The following CBR4 variants were observed in gnomAD, a reference collection of about 807,000 sequenced individuals.
CBR4 encodes the protein carbonyl reductase 4.
A neutral mutation model predicts 21.0 loss-of-function variants in CBR4; 22 were observed. The ratio of observed to expected loss-of-function variants is 1.05; its 90% CI spans 0.75 to 1.50. CBR4 has a LOEUF of 1.50. Ranked by LOEUF, CBR4 falls within the 40% of genes most tolerant of loss-of-function variation. The probability of loss-of-function intolerance (pLI) is 0.00; values close to 1 mark genes in which losing one functional copy is unlikely to be tolerated. For synonymous variants in CBR4, 100 were observed against 104.4 expected (o/e 0.96, Z 0.26); for missense variants, 302 against 286.3 (o/e 1.05, Z -0.40).
intron 2 of CBR4, chr4:168,924,905 A>T (rs907990778): frequency 2.5e-6 from 4 of 1,612,506 alleles, no homozygotes; most frequent in African/African-American, 1.3e-5. Flanking sequence ...AGCCACTTTT[A>T]AAAAATTTAG....
chr4:169,010,057 G>C lies in CBR4; in HGVS notation c.33C>G (p.Ser11=), dbSNP rs1304996336. ...GGGCCACAGCTCTGCCAATGCCTCG[G>C]GAGCCTCCAAAAACAGCACACACTT... The part of the protein sequence containing the change: MDKVCAVFGG[S]RGIGRAVAQL... The change falls in exon 1 of 5, where the codon TCC becomes TCG. Residue 11 remains serine, a synonymous_variant. Transcript: ENST00000306193. 1 of 1,613,756 alleles carries C rather than the reference G, an allele frequency of 6.2e-7. No individual in the cohort carries two copies. Among genetic ancestry groups the C allele is most frequent in the Non-Finnish European group, 8.5e-7 (1 of 1,179,900 alleles).
intron 2 of CBR4, among the ~76,000 whole-genome samples, chr4:168,963,933 C>A (rs1445916435): frequency 1.3e-5 from 2 of 151,970 alleles, no homozygotes; most frequent in Non-Finnish European, 1.5e-5. Flanking sequence ...TAATGTCATG[C>A]CCAAGAACAG....
intron 2 of CBR4, among the ~76,000 whole-genome samples, chr4:168,977,318 GAA>G (rs542243709): frequency 2.0e-5 from 3 of 152,238 alleles, no homozygotes; most frequent in African/African-American, 7.2e-5. Flanking sequence ...CTTCCTTCAA[GAA>G]AAGTTTATTT....
At chr4:168,932,688 C>T (rs1343575118) in intron 2 of CBR4, among the ~76,000 whole-genome samples, 2 of 151,940 alleles carry the variant, frequency 1.3e-5, no homozygotes, top group African/African-American at 2.4e-5. Flanking sequence ...AAGAGAAAAA[C>T]GTCAAGTCAC....
intron 2 of CBR4, among the ~76,000 whole-genome samples, chr4:168,942,924 C>T (rs1386302314): frequency 1.3e-5 from 2 of 152,114 alleles, no homozygotes; most frequent in Non-Finnish European, 2.9e-5. Flanking sequence ...GAAATATCAT[C>T]TCATCCTAGT....
At chr4:168,907,237 G>A (rs1445238905) in intron 2 of CBR4, among the ~76,000 whole-genome samples, 1 of 152,142 alleles carries the variant, frequency 6.6e-6, no homozygotes, top group Non-Finnish European at 1.5e-5. Context: ...TTAATTCAGA[G>A]ACAGTAACTA....
chr4:168,962,433 A>C (rs1440688506), intron 2 of CBR4, among the ~76,000 whole-genome samples: 1 of 152,198 alleles, frequency 6.6e-6, no homozygotes, highest in African/African-American at 2.4e-5. Context: ...AATTAGGCTT[A>C]ATAAGATATG....
At chr4:168,903,756 G>C (rs750290697) in intron 2 of CBR4, 1 of 1,609,224 alleles carries the variant, frequency 6.2e-7, no homozygotes, top group Non-Finnish European at 8.5e-7. Context: ...TCTATTCACA[G>C]ATCTATTGGT....
At chr4:168,924,342 G>T in intron 2 of CBR4, 2 of 1,613,872 alleles carry the variant, frequency 1.2e-6, no homozygotes, top group Non-Finnish European at 1.7e-6. Context: ...CTGGAATGTC[G>T]TGTATTGGGA....
downstream of CBR4, among the ~76,000 whole-genome samples, chr4:168,984,381 C>T (rs1764625133): frequency 6.6e-6 from 1 of 151,924 alleles, no homozygotes; most frequent in East Asian, 1.9e-4. Flanking sequence ...AGAATTATAA[C>T]ACACTGCTGA....
At chr4:168,915,832 CTA>C (rs1386757601) in intron 2 of CBR4, 7 of 1,321,946 alleles carry the variant, frequency 5.3e-6, no homozygotes, top group Non-Finnish European at 3.3e-6. Context: ...AAACAGATGA[CTA>C]AAAGTCTGGA....
At chr4:168,926,095 C>T in intron 2 of CBR4, 1 of 784,064 alleles carries the variant, frequency 1.3e-6, no homozygotes. Context: ...CATGTTTCTA[C>T]CATGGATGTG....
chr4:168,985,604 A>G (rs890924805), downstream of CBR4, among the ~76,000 whole-genome samples: 1 of 152,218 alleles, frequency 6.6e-6, no homozygotes, highest in East Asian at 1.9e-4. Context: ...GGCACTGTTC[A>G]CAACAGCAAA....
rs578255991 is a variant in CBR4, at chr4:168,953,266, G to GC, written n.169+48804dup. On this transcript the variant is annotated intron_variant and non_coding_transcript_variant, in intron 2 of 3. Transcript: ENST00000509108. ...GAAAGGCCGGTCTTACTCCCACCGT[G>GC]CCCCCCCGCAAAAGCACCGCATCTA... Among the ~76,000 whole-genome samples, 3,899 of 152,150 alleles carry GC rather than the reference G, an allele frequency of 0.026. 404 individuals are homozygous for GC. In the East Asian group the frequency reaches 0.35, roughly 14 times the overall value.
At chr4:168,903,193 C>T (rs1281619423) in intron 2 of CBR4, among the ~76,000 whole-genome samples, 2 of 152,100 alleles carry the variant, frequency 1.3e-5, no homozygotes, top group African/African-American at 4.8e-5. Context: ...CTTCCTGGCC[C>T]AGAAATAAAG....
intron 3 of CBR4, among the ~76,000 whole-genome samples, chr4:169,004,504 T>C (rs2126864707): frequency 6.6e-6 from 1 of 152,348 alleles, no homozygotes; most frequent in East Asian, 1.9e-4. Flanking sequence ...ATCAACTAAG[T>C]TTATAGGATA....
At position 168,927,972 on chromosome 4, in the gene CBR4, T is replaced by A. The variant is rs186567215; in HGVS notation, n.170-33207A>T. On this transcript the variant is annotated intron_variant and non_coding_transcript_variant, in intron 2 of 3. Transcript: ENST00000509108. ...TACTCAATTCATACGTAGTATTTTT[T>A]AAAATAATTTTATATCTGTGTACCA... The A allele has an allele frequency of 8.7e-4, 170 of 196,074 alleles. No individual in the cohort carries two copies. In the Middle Eastern group the frequency reaches 9.0e-3, roughly 10 times the overall value. 12.1% of individuals were successfully genotyped at this position (196,074 alleles called of 1,614,324 possible).
chr4:169,009,343 T>C (rs991320631), intron 1 of CBR4, among the ~76,000 whole-genome samples: 1 of 152,202 alleles, frequency 6.6e-6, no homozygotes, highest in Non-Finnish European at 1.5e-5. Flanking sequence ...AGTTCAATTG[T>C]CCATTTGCAA....
At chr4:168,935,955 GCCTCCTGACTGGGAGACA>G (rs1051896709) in intron 2 of CBR4, among the ~76,000 whole-genome samples, 21 of 152,222 alleles carry the variant, frequency 1.4e-4, no homozygotes, top group Admixed American at 4.6e-4. Context: ...TGACCCCCAT[GCCTCCTGACTGGGAGACA>G]CCTCCTGACT....
Sources: allele counts gnomAD v4.1 joint callset (sites outside exome capture counted in the v4.1 genomes callset), GRCh38; gene constraint gnomAD v4.1.1; transcripts MANE v1.5; gene names NCBI Gene and HGNC (gene_info 2026-07-23, HGNC 2026-07-21).